The following NUP155 variants were observed in gnomAD, a reference collection of about 807,000 sequenced individuals.
NUP155 encodes the protein nuclear pore complex protein Nup155.
In NUP155, 71 loss-of-function variants were observed where a neutral mutation model predicts 180.4. That is an observed-to-expected ratio of 0.39 (90% CI 0.33 to 0.48). The LOEUF (loss-of-function observed/expected upper bound fraction) is 0.48. NUP155 is among the 20% of genes least tolerant of loss of function. The pLI, the probability that NUP155 is intolerant of heterozygous loss-of-function variation, is 0.91. For synonymous variants in NUP155, 582 were observed against 559.5 expected, an observed-to-expected ratio of 1.04 and a Z score of -0.57; for missense variants, 1,553 against 1,648.9, an observed-to-expected ratio of 0.94 and a Z score of 1.01.
In NUP155 at chr5:37,337,685, T is replaced by C. The variant is rs183172430; in HGVS notation, c.1347+133A>G. On this transcript the variant is annotated intron_variant, in intron 12 of 34. Transcript: ENST00000231498. ...AAAACAAATAATTGACAGGATAATT[T>C]CTTTACTTTATAATTTCTAATAATA... 372 of 611,158 alleles carry C rather than the reference T, an allele frequency of 6.1e-4. 2 individuals are homozygous for C. Among genetic ancestry groups the C allele is most frequent in the Middle Eastern group, 2.3e-3 (6 of 2,596 alleles). The allele number at this position is 611,158 out of a possible 1,614,324, so 37.9% of individuals were successfully genotyped here.
At chr5:37,321,514 C>T (rs1357681905) in intron 20 of NUP155, among the ~76,000 whole-genome samples, 11 of 151,980 alleles carry the variant, frequency 7.2e-5, no homozygotes, top group Non-Finnish European at 4.4e-5. Context: ...GTCAAGAGAT[C>T]GAGACCATCC....
chr5:37,368,759 A>T (rs917959651), intron 1 of NUP155, among the ~76,000 whole-genome samples: 9 of 152,086 alleles, frequency 5.9e-5, no homozygotes, highest in African/African-American at 9.7e-5. Context: ...GGCCGTAGTG[A>T]GCCAAGATTA....
intron 12 of NUP155, among the ~76,000 whole-genome samples, chr5:37,336,585 C>G (rs1745341682): frequency 6.6e-6 from 1 of 152,084 alleles, no homozygotes; most frequent in Non-Finnish European, 1.5e-5. Context: ...GAGGAAGAAA[C>G]AGAGAGCCAA....
At chr5:37,314,633 C>T (rs867719523) in intron 21 of NUP155, among the ~76,000 whole-genome samples, 1 of 150,248 alleles carries the variant, frequency 6.7e-6, no homozygotes, top group Admixed American at 6.6e-5. Context: ...GTCAGGAGAT[C>T]GAGACCGTCC....
At chr5:37,354,178 C>T (rs1746655695) in intron 4 of NUP155, among the ~76,000 whole-genome samples, 2 of 152,140 alleles carry the variant, frequency 1.3e-5, no homozygotes, top group South Asian at 4.1e-4. Flanking sequence ...CAGAGTTTCA[C>T]TCTTGTTGCC....
At chr5:37,305,360 C>G in intron 25 of NUP155, 150 bp from the exon 26 acceptor site, 1 of 681,936 alleles carries the variant, frequency 1.5e-6, no homozygotes, top group African/African-American at 1.8e-5. Flanking sequence ...GCCAGGGCAA[C>G]AGAGCGGGAC....
At chr5:37,363,228 T>C (rs952665603) in intron 3 of NUP155, among the ~76,000 whole-genome samples, 3 of 152,182 alleles carry the variant, frequency 2.0e-5, no homozygotes, top group African/African-American at 7.2e-5. Context: ...CAGTGTCTTT[T>C]TAATGCACGT....
chr5:37,343,897 GA>G (rs1017397453), intron 9 of NUP155, among the ~76,000 whole-genome samples: 10 of 151,036 alleles, frequency 6.6e-5, no homozygotes, highest in Non-Finnish European at 1.2e-4. Context: ...TCTCAAGGGG[GA>G]AAAAAAAGGG....
Position 37,309,131 on chromosome 5 carries a change from T to G in NUP155, c.2765A>C (p.Gln922Pro). Residue 922 changes from glutamine to proline, a missense_variant and splice_region_variant, in exon 24 of 35, where the codon CAA becomes CCA. By Grantham distance (76) the Gln-to-Pro change is moderately conservative. Transcript: ENST00000231498. Reference protein sequence around the residue: ...DLSNVCAQYRQVRFYEGVVEL... With the variant: ...DLSNVCAQYRPVRFYEGVVEL... ...ACAAGAAACATTTTATTTCTCACCT[T>G]GTCTATACTGAGCACAAACATTGGA... 1 of 1,613,174 alleles carries G rather than the reference T, an allele frequency of 6.2e-7. No individual in the cohort carries two copies. The highest frequency in any genetic ancestry group is 8.5e-7 in the Non-Finnish European group (1 of 1,179,676).
Position 37,350,143 on chromosome 5 carries a change from T to C in NUP155, c.829+17A>G. On this transcript the variant is annotated intron_variant, in intron 7 of 34. Coordinates refer to ENST00000231498, the MANE Select transcript of NUP155 (RefSeq NM_153485.3). ...AGAAATTAGTTGTACTTGCCAAATT[T>C]ATTGTTTTCTACTTACCATCTTCTG... 9 of 1,574,146 alleles carry C rather than the reference T, an allele frequency of 5.7e-6. No homozygotes were observed. Among genetic ancestry groups the C allele is most frequent in the Admixed American group, 1.7e-5 (1 of 59,972 alleles).
chr5:37,323,207 C>T (rs955834108), intron 20 of NUP155, among the ~76,000 whole-genome samples: 1 of 152,156 alleles, frequency 6.6e-6, no homozygotes, highest in African/African-American at 2.4e-5. Context: ...ATTGCTTGAA[C>T]CTGGGAGGCG....
intron 7 of NUP155, 57 bp from the exon 8 acceptor site, chr5:37,349,302 C>CA: frequency 3.7e-6 from 2 of 534,380 alleles, no homozygotes; most frequent in Non-Finnish European, 3.3e-6. Context: ...ATTAACAAAG[C>CA]AAATACATTA....
At chr5:37,332,609 C>T (rs1436521488) in intron 13 of NUP155, among the ~76,000 whole-genome samples, 5 of 152,076 alleles carry the variant, frequency 3.3e-5, no homozygotes, top group African/African-American at 1.2e-4. Flanking sequence ...ACAAAAGCAA[C>T]TAAGAGTGGA....
At chr5:37,330,662 T>C (rs1744897631) in intron 14 of NUP155, among the ~76,000 whole-genome samples, 1 of 152,146 alleles carries the variant, frequency 6.6e-6, no homozygotes, top group Non-Finnish European at 1.5e-5. Context: ...TCAATTCCAG[T>C]TGTGGCTCTG....
Position 37,292,942 on chromosome 5 carries a change from T to C in NUP155, c.3974A>G (p.Asp1325Gly). 6.2e-7 allele frequency: 1 copy of C among 1,612,762 alleles called. No individual in the cohort carries two copies. Among genetic ancestry groups the C allele is most frequent in the Non-Finnish European group, 8.5e-7 (1 of 1,179,134 alleles). ...NRMKKPLHLL[D>G]CIHVLLIRYV... ...TCTTATCAATAATACATGTATACAA[T>C]CCAAAAGGTGCAGTGGCTTCTTCAT... Residue 1325 changes from aspartate (D) to glycine (G), a missense_variant, in exon 34 of 35, where the codon GAT becomes GGT. Asp to Gly is a moderately conservative substitution (Grantham distance 94). Coordinates refer to ENST00000231498, the MANE Select transcript of NUP155 (RefSeq NM_153485.3).
intron 9 of NUP155, among the ~76,000 whole-genome samples, chr5:37,343,581 T>C (rs73068433): frequency 0.026 from 3,882 of 152,068 alleles, 156 homozygotes; most frequent in African/African-American, 0.089. Context: ...TGTCAAAGTA[T>C]CATTACTGCT....
At position 37,358,172 on chromosome 5, in the gene NUP155, A is replaced by C. The variant is rs201161498; in HGVS notation, c.393-21T>G. On this transcript the variant is annotated intron_variant, in intron 3 of 34. Transcript: ENST00000231498. Reference sequence around the variant, plus strand: ...CTCCTCTGTGAATAAATGAAGAAAAACATGTTACACATATAAAGCAAATAG... The same window carrying C: ...CTCCTCTGTGAATAAATGAAGAAAACCATGTTACACATATAAAGCAAATAG... 2.6e-6 allele frequency: 4 copies of C among 1,549,756 alleles called. No homozygotes were observed. In the East Asian group the frequency reaches 9.0e-5, roughly 35 times the overall value.
intron 9 of NUP155, among the ~76,000 whole-genome samples, chr5:37,346,715 A>G (rs547353469): frequency 2.8e-4 from 43 of 152,028 alleles, no homozygotes; most frequent in African/African-American, 9.2e-4. Flanking sequence ...CAGCTTGACC[A>G]AGGTAGTTGG....
intron 32 of NUP155, 131 bp from the exon 33 acceptor site, chr5:37,294,596 G>GT: frequency 1.2e-6 from 1 of 850,652 alleles, no homozygotes; most frequent in Non-Finnish European, 1.9e-6. Context: ...TGGGGCGGGG[G>GT]GTTTTTTTTG....
Sources: allele counts gnomAD v4.1 joint callset (sites outside exome capture counted in the v4.1 genomes callset), GRCh38; gene constraint gnomAD v4.1.1; transcripts MANE v1.5; gene names NCBI Gene and HGNC (gene_info 2026-07-23, HGNC 2026-07-21).